The following NUBPL variants were observed in gnomAD, a reference collection of about 807,000 sequenced individuals.
NUBPL encodes iron-sulfur cluster transfer protein NUBPL.
NUBPL carries 31 observed loss-of-function variants against 45.7 expected under a neutral mutation model. The ratio of observed to expected loss-of-function variants is 0.68; its 90% CI spans 0.51 to 0.92. NUBPL has a LOEUF of 0.92. NUBPL is among the 40% of genes least tolerant of loss of function. The pLI, the probability that NUBPL is intolerant of heterozygous loss-of-function variation, is 0.00. For missense variants in NUBPL, 401 were observed against 398.7 expected, an observed-to-expected ratio of 1.01 and a Z score of -0.05; for synonymous variants, 144 against 140.9, an observed-to-expected ratio of 1.02 and a Z score of -0.15.
At chr14:31,688,663 T>TTC (rs2037021401) in intron 6 of NUBPL, among the ~76,000 whole-genome samples, 1 of 149,542 alleles carries the variant, frequency 6.7e-6, no homozygotes, top group African/African-American at 2.5e-5. Flanking sequence ...TTGTTGTTTT[T>TTC]TTTTTTTTTT....
intron 6 of NUBPL, among the ~76,000 whole-genome samples, chr14:31,700,262 A>G (rs1267786563): frequency 2.0e-5 from 3 of 152,238 alleles, no homozygotes; most frequent in African/African-American, 7.2e-5. Flanking sequence ...TTAAAACCCA[A>G]CAGCTCTTTT....
intron 7 of NUBPL, among the ~76,000 whole-genome samples, chr14:31,808,025 T>C (rs527675361): frequency 3.9e-5 from 6 of 152,162 alleles, no homozygotes; most frequent in Non-Finnish European, 8.8e-5. Context: ...GGTTACTGTA[T>C]CCTTGTACTA....
rs1463844602 is a variant in NUBPL, at chr14:31,571,605, ATGCC to A, written c.291+6560_291+6563del. 1.5e-4 allele frequency among the ~76,000 whole-genome samples: 23 copies of A among 152,014 alleles called. No individual in the cohort carries two copies. The East Asian group carries it at 4.3e-3, about 28-fold the overall frequency. ...GCTGGGATTACAGGCAAGCACCACC[ATGCC>A]TGGCTAATTTTTGAATTTTTTGTAG... On this transcript the variant is annotated intron_variant, in intron 3 of 10. Transcript: ENST00000281081.
At chr14:31,830,270 A>G (rs1408686494) in intron 8 of NUBPL, among the ~76,000 whole-genome samples, 2 of 152,234 alleles carry the variant, frequency 1.3e-5, no homozygotes, top group Non-Finnish European at 2.9e-5. Flanking sequence ...GCAAAGTGCT[A>G]TAATAAACTT....
intron 4 of NUBPL, among the ~76,000 whole-genome samples, chr14:31,602,761 G>T (rs1484915292): frequency 6.6e-6 from 1 of 152,044 alleles, no homozygotes; most frequent in East Asian, 1.9e-4. Context: ...TATTAAATGT[G>T]TGGATATATG....
At chr14:31,633,532 C>T (rs144087798) in intron 4 of NUBPL, among the ~76,000 whole-genome samples, 1 of 152,120 alleles carries the variant, frequency 6.6e-6, no homozygotes, top group African/African-American at 2.4e-5. Context: ...AGTGAAGTGC[C>T]AACATAAGAA....
intron 3 of NUBPL, among the ~76,000 whole-genome samples, chr14:31,590,443 G>A (rs539754820): frequency 6.6e-6 from 1 of 152,230 alleles, no homozygotes; most frequent in South Asian, 2.1e-4. Context: ...AGAGCATATG[G>A]AACTGTGGGT....
At chr14:31,661,244 T>G (rs774994359) in intron 4 of NUBPL, among the ~76,000 whole-genome samples, 30 of 152,196 alleles carry the variant, frequency 2.0e-4, no homozygotes, top group Non-Finnish European at 3.5e-4. Flanking sequence ...CATGAAAATA[T>G]GAGGAGGTAG....
At chr14:31,710,856 TC>T (rs1298467661) in intron 6 of NUBPL, among the ~76,000 whole-genome samples, 1 of 152,160 alleles carries the variant, frequency 6.6e-6, no homozygotes, top group Non-Finnish European at 1.5e-5. Context: ...TCCGGATAGT[TC>T]CCCCTACAAT....
intron 3 of NUBPL, among the ~76,000 whole-genome samples, chr14:31,575,859 G>A (rs2139477506): frequency 6.6e-6 from 1 of 152,242 alleles, no homozygotes; most frequent in Admixed American, 6.5e-5. Flanking sequence ...TAAAGCTAGA[G>A]CAGAAACCAG....
At chr14:31,850,287 A>G (rs911781117) in intron 10 of NUBPL, 86 bp downstream of exon 10, 20 of 984,056 alleles carry the variant, frequency 2.0e-5, no homozygotes, top group African/African-American at 3.2e-5. Context: ...TTAAGCGTTT[A>G]TATTTGCAGT....
intron 6 of NUBPL, among the ~76,000 whole-genome samples, chr14:31,747,426 C>A (rs185278031): frequency 6.6e-6 from 1 of 151,400 alleles, no homozygotes; most frequent in South Asian, 2.1e-4. Context: ...TGTGAGCCAC[C>A]GCATCCGGCC....
intron 4 of NUBPL, among the ~76,000 whole-genome samples, chr14:31,664,498 G>A (rs905642272): frequency 1.3e-5 from 2 of 152,128 alleles, no homozygotes; most frequent in African/African-American, 4.8e-5. Context: ...ATAATCATGT[G>A]GTTTTTGTCA....
At chr14:31,842,789 T>C (rs2040396993) in intron 8 of NUBPL, among the ~76,000 whole-genome samples, 1 of 152,188 alleles carries the variant, frequency 6.6e-6, no homozygotes, top group Admixed American at 6.5e-5. Flanking sequence ...TGTTTGAACA[T>C]ATAACCTAAT....
intron 7 of NUBPL, among the ~76,000 whole-genome samples, chr14:31,807,765 T>C (rs967544234): frequency 6.6e-6 from 1 of 152,228 alleles, no homozygotes; most frequent in Non-Finnish European, 1.5e-5. Flanking sequence ...GGTCTAACAT[T>C]TAAGTCTTTA....
intron 4 of NUBPL, among the ~76,000 whole-genome samples, chr14:31,608,114 CTT>C (rs2034651306): frequency 6.6e-6 from 1 of 152,168 alleles, no homozygotes; most frequent in African/African-American, 2.4e-5. Flanking sequence ...AGGGAAAACA[CTT>C]TTACCCTAAA....
At chr14:31,700,825 C>G (rs1210457731) in intron 6 of NUBPL, among the ~76,000 whole-genome samples, 1 of 152,190 alleles carries the variant, frequency 6.6e-6, no homozygotes, top group African/African-American at 2.4e-5. Flanking sequence ...CCCCAGCCCC[C>G]TCCCCCCCAC....
intron 4 of NUBPL, among the ~76,000 whole-genome samples, chr14:31,605,048 G>A (rs374107448): frequency 2.6e-5 from 4 of 152,298 alleles, no homozygotes; most frequent in African/African-American, 7.2e-5. Flanking sequence ...AAACCTAAAC[G>A]TCCTTGGAGA....
At chr14:31,636,138 G>T (rs919168734) in intron 4 of NUBPL, among the ~76,000 whole-genome samples, 11 of 152,052 alleles carry the variant, frequency 7.2e-5, no homozygotes, top group Non-Finnish European at 1.3e-4. Context: ...TTGAATAGGA[G>T]TGGTGAGAGA....
Sources: gnomAD v4.1 joint callset for allele counts (sites outside exome capture counted in the v4.1 genomes callset) on GRCh38, gnomAD v4.1.1 for gene constraint, MANE v1.5 for transcripts, NCBI Gene and HGNC (gene_info 2026-07-23, HGNC 2026-07-21) for gene names.